The following ARL9 variants were observed in gnomAD, a reference collection of about 807,000 sequenced individuals.
The protein encoded by ARL9 is ARF like GTPase 9, also known as ADP-ribosylation factor-like protein 9.
A neutral mutation model predicts 27.0 loss-of-function variants in ARL9; 14 were observed. That is an observed-to-expected ratio of 0.52 (90% CI 0.34 to 0.81). The LOEUF (loss-of-function observed/expected upper bound fraction) is 0.81, where lower values mean the gene tolerates loss of function less well. ARL9 is among the 30% of genes least tolerant of loss of function. The pLI is 0.01. For synonymous variants in ARL9, 106 were observed against 108.7 expected, an observed-to-expected ratio of 0.98 and a Z score of 0.15; for missense variants, 294 against 290.0, an observed-to-expected ratio of 1.01 and a Z score of -0.10.
intron 2 of ARL9, among the ~76,000 whole-genome samples, chr4:56,516,161 C>T (rs1027448889): frequency 2.0e-5 from 3 of 152,024 alleles, no homozygotes; most frequent in African/African-American, 7.3e-5. Context: ...GGTGCAGGGA[C>T]CACATGGAAT....
At chr4:56,509,701 ATTTTTTTTTTTTT>A (rs766835732) in intron 1 of ARL9, among the ~76,000 whole-genome samples, 1 of 98,314 alleles carries the variant, frequency 1.0e-5, no homozygotes, top group African/African-American at 4.5e-5. Flanking sequence ...CACTGGGCTA[ATTTTTTTTTTTTT>A]TTTTTTTTTT....
rs1721439227 is a variant in ARL9 at position 56,505,808 on chromosome 4, C to G, written c.-55C>G. On this transcript the variant is annotated 5_prime_UTR_variant, in exon 1 of 4. Coordinates refer to ENST00000640821, the MANE Select transcript of ARL9 (RefSeq NM_001363794.2). Reference sequence around the variant, plus strand: ...CGGGAGCCACACCTGGGGCCCAGAGCCACCGCTCAGCACGCGGGCACGCGG... The same window carrying G: ...CGGGAGCCACACCTGGGGCCCAGAGGCACCGCTCAGCACGCGGGCACGCGG... 1 of 1,308,716 alleles carries G rather than the reference C, an allele frequency of 7.6e-7. No individual in the cohort carries two copies. Among genetic ancestry groups the G allele is most frequent in the Non-Finnish European group, 9.7e-7 (1 of 1,032,062 alleles). 81.1% of individuals were successfully genotyped at this position (1,308,716 alleles called of 1,614,324 possible).
chr4:56,518,968 A>T, intron 3 of ARL9, 115 bp downstream of exon 3: 2 of 1,049,362 alleles, frequency 1.9e-6, no homozygotes, highest in Admixed American at 5.5e-5. Context: ...GTTTATGTTT[A>T]TTAGAGCTCT....
intron 3 of ARL9, among the ~76,000 whole-genome samples, chr4:56,520,016 T>C (rs937200048): frequency 3.9e-5 from 6 of 151,970 alleles, no homozygotes; most frequent in Admixed American, 2.0e-4. Flanking sequence ...CTTTTTTTTT[T>C]TTTTGAGACA....
rs1351235676 is a variant in ARL9 at position 56,505,896 on chromosome 4, GA to G, written c.38del (p.Lys13ArgfsTer17). On this transcript the variant is annotated frameshift_variant, in exon 1 of 4. Coordinates refer to ENST00000640821, the MANE Select transcript of ARL9 (RefSeq NM_001363794.2). LOFTEE classifies it high-confidence loss of function. ...GGGGAAAGTGAAGAAGAAAGAGAAG[GA>G]AAAGGAGACGCAGGAGGAGAAAATC... ...ERGKVKKKEK[E>X]KETQEEKIGE... The G allele has an allele frequency of 1.6e-6, 2 of 1,257,684 alleles. No individual in the cohort carries two copies. The highest frequency in any genetic ancestry group is 3.4e-5 in the South Asian group (1 of 29,244). 77.9% of individuals were successfully genotyped at this position (1,257,684 alleles called of 1,614,324 possible).
chr4:56,506,529 A>G lies in ARL9; in HGVS notation c.279+388A>G, dbSNP rs538708372. On this transcript the variant is annotated intron_variant, in intron 1 of 3. Coordinates refer to ENST00000640821, the MANE Select transcript of ARL9 (RefSeq NM_001363794.2). ...CCAGCCCCGAACCCTCCCCACACGC[A>G]GGCCCTCTTTGCATTGAATGCGTTC... is the stretch of plus-strand genomic sequence containing the variant. 4.0e-5 allele frequency: 25 copies of G among 623,040 alleles called. No individual in the cohort carries two copies. The African/African-American group carries it at 7.4e-4, about 18-fold the overall frequency. 38.6% of individuals were successfully genotyped at this position (623,040 alleles called of 1,614,324 possible).
chr4:56,518,559 A>C, intron 2 of ARL9, 119 bp from the exon 3 acceptor site: 1 of 855,486 alleles, frequency 1.2e-6, no homozygotes, highest in Non-Finnish European at 1.9e-6. Context: ...TAACACGGTG[A>C]TATTTTATCA....
upstream of ARL9, chr4:56,505,316 C>T: frequency 4.5e-6 from 2 of 446,436 alleles, no homozygotes; most frequent in Admixed American, 4.8e-5. Flanking sequence ...AAATACATGA[C>T]ATGAGCAGTA....
At chr4:56,505,225 A>T (rs17086919), upstream of ARL9, 36,145 of 329,986 alleles carry the variant, frequency 0.11, 2,626 homozygotes, top group East Asian at 0.27. Flanking sequence ...GTCTTTAATA[A>T]TCCTGGGTAA....
upstream of ARL9, chr4:56,505,712 C>T (rs1721436010): frequency 7.7e-7 from 1 of 1,303,182 alleles, no homozygotes; most frequent in South Asian, 1.6e-5. Flanking sequence ...CGGTTGGCGG[C>T]GGTGCCGGGG....
At chr4:56,510,046 T>C (rs1366565986) in intron 1 of ARL9, among the ~76,000 whole-genome samples, 1 of 151,984 alleles carries the variant, frequency 6.6e-6, no homozygotes, top group Non-Finnish European at 1.5e-5. Flanking sequence ...TTTCATTTAA[T>C]TGTGATACTT....
At chr4:56,508,626 T>TCCGC (rs1401979122) in intron 1 of ARL9, among the ~76,000 whole-genome samples, 2 of 152,200 alleles carry the variant, frequency 1.3e-5, no homozygotes, top group African/African-American at 4.8e-5. Flanking sequence ...CCTCAGGTGA[T>TCCGC]CCGCCCTCCT....
In ARL9 at chr4:56,523,982, T is replaced by A; in HGVS notation, c.*106T>A. 1 of 1,152,938 alleles carries A rather than the reference T, an allele frequency of 8.7e-7. No individual in the cohort carries two copies. Among genetic ancestry groups the A allele is most frequent in the Non-Finnish European group, 1.2e-6 (1 of 839,634 alleles). 71.4% of individuals were successfully genotyped at this position (1,152,938 alleles called of 1,614,324 possible). A position where few individuals can be genotyped will look rare whatever the true frequency, so the allele number is the denominator to read the frequency against. On this transcript the variant is annotated 3_prime_UTR_variant, in exon 4 of 4. Coordinates refer to ENST00000640821, the MANE Select transcript of ARL9 (RefSeq NM_001363794.2). ...CTCAAATAAAAATTAAGCCATTTCC[T>A]ATTTTCTCAGTGCATGGGATGTATA...
chr4:56,522,265 A>G (rs1414482658), intron 3 of ARL9, among the ~76,000 whole-genome samples: 1 of 152,076 alleles, frequency 6.6e-6, no homozygotes, highest in South Asian at 2.1e-4. Context: ...TACTAAAAAT[A>G]GAAAAATTAG....
rs1560701364 is a variant in ARL9 at position 56,524,238 on chromosome 4, A to T, written c.*362A>T. 1.2e-5 allele frequency: 2 copies of T among 164,838 alleles called. No homozygotes were observed. The highest frequency in any genetic ancestry group is 3.4e-4 in the East Asian group (2 of 5,844). 10.2% of individuals were successfully genotyped at this position (164,838 alleles called of 1,614,324 possible). ...GTAGAAGTGTGTAGGTTATATGTAAATATGCCATTTTCCATCAGGAGCTTG... is the reference window on the plus strand; with the variant it reads ...GTAGAAGTGTGTAGGTTATATGTAATTATGCCATTTTCCATCAGGAGCTTG... On this transcript the variant is annotated 3_prime_UTR_variant, in exon 4 of 4. Transcript: ENST00000640821.
In ARL9 at chr4:56,524,227, G is replaced by T. The variant is rs538848438; in HGVS notation, c.*351G>T. On this transcript the variant is annotated 3_prime_UTR_variant, in exon 4 of 4. Transcript: ENST00000640821. ...AAAATACACGAGTAGAAGTGTGTAG[G>T]TTATATGTAAATATGCCATTTTCCA... is the stretch of plus-strand genomic sequence containing the variant. 1.8e-4 allele frequency: 31 copies of T among 170,676 alleles called. No individual in the cohort carries two copies. The highest frequency in any genetic ancestry group is 7.4e-4 in the South Asian group (4 of 5,416). The allele number at this position is 170,676 out of a possible 1,614,324, so 10.6% of individuals were successfully genotyped here. A position where few individuals can be genotyped will look rare whatever the true frequency, so the allele number is the denominator to read the frequency against.
chr4:56,513,500 AC>A (rs555031555), intron 2 of ARL9, among the ~76,000 whole-genome samples: 87 of 152,276 alleles, frequency 5.7e-4, no homozygotes, highest in African/African-American at 1.9e-3. Context: ...CTGTGACAAA[AC>A]CACAAATCCT....
intron 2 of ARL9, among the ~76,000 whole-genome samples, chr4:56,516,877 G>A (rs991594934): frequency 1.3e-5 from 2 of 152,094 alleles, no homozygotes; most frequent in Non-Finnish European, 2.9e-5. Flanking sequence ...TGCAGTGAGT[G>A]GAGATTGCAC....
At chr4:56,506,722 C>G in intron 1 of ARL9, 2 of 973,368 alleles carry the variant, frequency 2.1e-6, no homozygotes, top group Non-Finnish European at 2.4e-6. Context: ...CCTGGAGTTC[C>G]TGAGCTGGCT....
Sources: gnomAD v4.1 joint callset for allele counts (sites outside exome capture counted in the v4.1 genomes callset) on GRCh38, gnomAD v4.1.1 for gene constraint, MANE v1.5 for transcripts, NCBI Gene and HGNC (gene_info 2026-07-23, HGNC 2026-07-21) for gene names.